The following ADAR variants were observed in gnomAD, a reference collection of about 807,000 sequenced individuals.
ADAR encodes the protein double-stranded RNA-specific adenosine deaminase.
ADAR carries 41 observed loss-of-function variants against 113.2 expected under a neutral mutation model. The observed-to-expected ratio is 0.36, with a 90% CI of 0.28 to 0.47. The LOEUF is 0.47. Among genes scored for constraint, ADAR ranks in the 20% least tolerant of loss-of-function variants. The probability of loss-of-function intolerance (pLI) is 1.00; values close to 1 mark genes in which losing one functional copy is unlikely to be tolerated. For synonymous variants in ADAR, 605 were observed against 572.6 expected (o/e 1.06, Z -0.81); for missense variants, 1,242 against 1,540.9 (o/e 0.81, Z 3.25).
intron 2 of ADAR, among the ~76,000 whole-genome samples, chr1:154,599,667 T>A (rs926425227): frequency 3.3e-4 from 50 of 152,198 alleles, no homozygotes; most frequent in African/African-American, 1.2e-3. Context: ...ACTGGCTCTT[T>A]CCCTGGCTGC....
chr1:154,596,931 T>C lies in ADAR; in HGVS notation c.2144A>G (p.Lys715Arg). 2 of 1,614,196 alleles carry C rather than the reference T, an allele frequency of 1.2e-6. No individual in the cohort carries two copies. Among genetic ancestry groups the C allele is most frequent in the Middle Eastern group, 1.6e-4 (1 of 6,062 alleles). ...LESMMPNKVR[K>R]IGELVRYLNT... ...CAGGTATCTCACGAGCTCGCCAATC[T>C]TCCTGACCTTGTTGGGCATCATGGA... The change falls in exon 6 of 15, where the codon AAG (lysine) becomes AGG (arginine). Residue 715 changes from lysine (K) to arginine (R), a missense_variant. Coordinates refer to ENST00000368474, the MANE Select transcript of ADAR (RefSeq NM_001111.5).
chr1:154,589,542 G>A lies in ADAR; in HGVS notation c.2669-80C>T, dbSNP rs1696983880. 6.5e-6 allele frequency: 9 copies of A among 1,376,250 alleles called. No individual in the cohort carries two copies. In the South Asian group the frequency reaches 9.4e-5, roughly 14 times the overall value. The allele number at this position is 1,376,250 out of a possible 1,614,324, so 85.3% of individuals were successfully genotyped here. ...AGGATGAAGGCTATTTGTTCTGAAA[G>A]CTTCAAGGCAGAAACAGCCTCAGTT... On this transcript the variant is annotated intron_variant, in intron 8 of 14. Transcript: ENST00000368474.
At position 154,596,845 on chromosome 1, in the gene ADAR, A is replaced by T; in HGVS notation, c.2230T>A (p.Phe744Ile). The T allele has an allele frequency of 6.2e-7, 1 of 1,614,002 alleles. No individual in the cohort carries two copies. The highest frequency in any genetic ancestry group is 8.5e-7 in the Non-Finnish European group (1 of 1,180,024). The change falls in exon 6 of 15, where the codon TTC (phenylalanine) becomes ATC (isoleucine). Residue 744 changes from phenylalanine to isoleucine, a missense_variant. Coordinates refer to ENST00000368474, the MANE Select transcript of ADAR (RefSeq NM_001111.5). Reference protein sequence around the residue: ...YARSHGFAAEFKLVDQSGPPH... With the variant: ...YARSHGFAAEIKLVDQSGPPH... ...GGTCCGGACTGGTCGACCAACTTGA[A>T]TTCAGCAGCAAAGCCATGGGAGCGG...
intron 7 of ADAR, 104 bp downstream of exon 7, chr1:154,590,080 A>T: frequency 1.3e-6 from 2 of 1,488,836 alleles, no homozygotes; most frequent in Non-Finnish European, 1.9e-6. Context: ...CGAGGCTAAG[A>T]GTAAAGCCTA....
rs1468449425 is a variant in ADAR at position 154,583,075 on chromosome 1, T to C, written c.*1731A>G. On this transcript the variant is annotated 3_prime_UTR_variant, in exon 15 of 15. Transcript: ENST00000368474. ...GACAGAGGATGACCTAGTCAGCAGT[T>C]TGGAGGGAAATCATCTGAGGGTGCT... 1 of 152,218 alleles carries C rather than the reference T, an allele frequency of 6.6e-6. No homozygotes were observed. The highest frequency in any genetic ancestry group is 2.4e-5 in the African/African-American group (1 of 41,462). The allele number at this position is 152,218 out of a possible 1,614,324, so 9.4% of individuals were successfully genotyped here.
chr1:154,615,567 G>C (rs531119314), intron 1 of ADAR, among the ~76,000 whole-genome samples: 2 of 151,970 alleles, frequency 1.3e-5, no homozygotes, highest in South Asian at 2.1e-4. Flanking sequence ...ATACCACCAT[G>C]CTTGGCTAAT....
chr1:154,621,523 A>C (rs1698791692), intron 1 of ADAR, among the ~76,000 whole-genome samples: 1 of 152,244 alleles, frequency 6.6e-6, no homozygotes, highest in South Asian at 2.1e-4. Flanking sequence ...GTATATTTTA[A>C]AAATCACTTA....
intron 6 of ADAR, among the ~76,000 whole-genome samples, chr1:154,593,786 T>TG (rs1697321957): frequency 6.6e-6 from 1 of 152,166 alleles, no homozygotes; most frequent in Non-Finnish European, 1.5e-5. Flanking sequence ...AGTAACAATC[T>TG]GAAAGAAAAC....
At chr1:154,600,833 A>T in intron 2 of ADAR, 1 of 678,648 alleles carries the variant, frequency 1.5e-6, no homozygotes, top group Non-Finnish European at 2.5e-6. Flanking sequence ...CCCCTTGTTC[A>T]GCCAAGATTC....
chr1:154,589,877 G>A lies in ADAR; in HGVS notation c.2548C>T (p.Arg850Trp), dbSNP rs762568334. 1.8e-5 allele frequency: 29 copies of A among 1,613,894 alleles called. No homozygotes were observed. Among genetic ancestry groups the A allele is most frequent in the Admixed American group, 6.7e-5 (4 of 59,944 alleles). ...CTGTTAGTCAGAGTGTTGAAGCACC[G>A]GTGGCTCAGCATGGCTATCTGGTCA... ...FHDQIAMLSHRCFNTLTNSFQ... is the reference protein window; with the variant it reads ...FHDQIAMLSHWCFNTLTNSFQ... The change falls in exon 8 of 15, where the codon CGG becomes TGG. Residue 850 changes from arginine (R) to tryptophan (W), a missense_variant. Arg to Trp is a moderately radical substitution (Grantham distance 101). Transcript: ENST00000368474.
Position 154,614,808 on chromosome 1 carries a change from CA to C in ADAR, c.-870-12183del, listed in dbSNP as rs1698588031. ...AAGATTGAGGAGGAAACTGAGGAGG[CA>C]AAGGGGTAGGATGGAGGGGCTTTTG... is the stretch of plus-strand genomic sequence containing the variant. On this transcript the variant is annotated intron_variant, in intron 1 of 14. Coordinates refer to the ADAR transcript ENST00000368471. 2.6e-5 allele frequency among the ~76,000 whole-genome samples: 4 copies of C among 152,286 alleles called. No individual in the cohort carries two copies. The South Asian group carries it at 8.3e-4, about 32-fold the overall frequency.
chr1:154,613,797 G>C (rs1698555774), intron 1 of ADAR, among the ~76,000 whole-genome samples: 1 of 151,646 alleles, frequency 6.6e-6, no homozygotes, highest in African/African-American at 2.4e-5. Flanking sequence ...CTAGCTACTA[G>C]GGAGGCTGAG....
At chr1:154,621,377 A>C (rs1019645039) in intron 1 of ADAR, among the ~76,000 whole-genome samples, 8 of 152,190 alleles carry the variant, frequency 5.3e-5, no homozygotes, top group Non-Finnish European at 1.2e-4. Context: ...TTGTCTAAAA[A>C]AGAATGAAAA....
intron 7 of ADAR, 48 bp downstream of exon 7, chr1:154,590,136 G>GGC: frequency 6.9e-7 from 1 of 1,445,368 alleles, no homozygotes; most frequent in Non-Finnish European, 9.6e-7. Flanking sequence ...TTAGGAGTTA[G>GGC]GAGGACCCCC....
intron 1 of ADAR, among the ~76,000 whole-genome samples, chr1:154,616,993 G>A (rs2335229): frequency 0.99 from 151,402 of 152,360 alleles, 75,229 homozygotes; most frequent in Non-Finnish European, 1. Flanking sequence ...TAAAAAGTTA[G>A]AAACTACAAA....
chr1:154,600,921 A>T, intron 2 of ADAR, 120 bp downstream of exon 2: 1 of 1,386,704 alleles, frequency 7.2e-7, no homozygotes, highest in Non-Finnish European at 1.0e-6. Context: ...TAAAAGGCAG[A>T]AGGGAAGGAG....
Position 154,590,199 on chromosome 1 carries a change from T to C in ADAR, c.2481A>G (p.Glu827=). ...ACGTCTTAACTGTCTTTGGCTGTGC[T>C]TCTGGGGACCTTGAGAGGAGGAGCA... The part of the protein sequence containing the change: ...RTMLLLSRSP[E]AQPKTLPLTG... The change falls in exon 7 of 15, where the codon GAA becomes GAG. Residue 827 remains glutamate, a synonymous_variant. Coordinates refer to ENST00000368474, the MANE Select transcript of ADAR (RefSeq NM_001111.5). 7.2e-7 allele frequency: 1 copy of C among 1,393,334 alleles called. No individual in the cohort carries two copies. The highest frequency in any genetic ancestry group is 9.6e-7 in the Non-Finnish European group (1 of 1,042,108). 86.3% of individuals were successfully genotyped at this position (1,393,334 alleles called of 1,614,324 possible). A position where few individuals can be genotyped will look rare whatever the true frequency, so the allele number is the denominator to read the frequency against.
intron 6 of ADAR, among the ~76,000 whole-genome samples, chr1:154,590,620 TAATA>T (rs1224038270): frequency 6.6e-6 from 1 of 152,052 alleles, no homozygotes; most frequent in Non-Finnish European, 1.5e-5. Context: ...GACTATTAAT[TAATA>T]TTTTTCTCTA....
chr1:154,586,781 C>CA (rs750211541), intron 11 of ADAR, among the ~76,000 whole-genome samples: 3 of 152,054 alleles, frequency 2.0e-5, no homozygotes, highest in Non-Finnish European at 4.4e-5. Context: ...GCACACAGGA[C>CA]AAAAGCAAAG....
Sources: gnomAD v4.1 joint callset for allele counts (sites outside exome capture counted in the v4.1 genomes callset) on GRCh38, gnomAD v4.1.1 for gene constraint, MANE v1.5 for transcripts, NCBI Gene and HGNC (gene_info 2026-07-23, HGNC 2026-07-21) for gene names.